TCEA3: variants seen among roughly 807,000 people sequenced by gnomAD.
TCEA3 encodes transcription elongation factor A3, also known as transcription elongation factor A protein 3.
Under a neutral mutation model 44.0 loss-of-function variants are expected in TCEA3, and 36 were observed. That is an observed-to-expected ratio of 0.82 (90% CI 0.63 to 1.08). The LOEUF is 1.08. Among genes scored for constraint, TCEA3 ranks in the 50% least tolerant of loss-of-function variants. The pLI, the probability that TCEA3 is intolerant of heterozygous loss-of-function variation, is 0.00. For missense variants in TCEA3, 392 were observed against 441.2 expected (o/e 0.89, Z 1.00); for synonymous variants, 162 against 159.7 (o/e 1.01, Z -0.11).
rs539092868 is a variant in TCEA3, at chr1:23,397,477, G to A, written c.664+68C>T. The A allele has an allele frequency of 3.6e-5, 53 of 1,468,004 alleles. No homozygotes were observed. In the Middle Eastern group the frequency reaches 6.2e-4, roughly 17 times the overall value. The allele number at this position is 1,468,004 out of a possible 1,614,324, so 90.9% of individuals were successfully genotyped here. A position where few individuals can be genotyped will look rare whatever the true frequency, so the allele number is the denominator to read the frequency against. ...CTCTCCTTCCTCACTCTCCCAGCTC[G>A]CTTGCACCTTGGATGGGTGCTGCTA... On this transcript the variant is annotated intron_variant, in intron 7 of 10. Coordinates refer to ENST00000450454, the MANE Select transcript of TCEA3 (RefSeq NM_003196.3).
At chr1:23,387,685 G>A (rs1218887715) in intron 8 of TCEA3, among the ~76,000 whole-genome samples, 1 of 152,216 alleles carries the variant, frequency 6.6e-6, no homozygotes, top group Non-Finnish European at 1.5e-5. Flanking sequence ...GAGCACTCCT[G>A]TGTACATTTC....
intron 9 of TCEA3, among the ~76,000 whole-genome samples, chr1:23,386,282 T>C (rs1638832504): frequency 6.6e-6 from 1 of 152,034 alleles, no homozygotes; most frequent in Non-Finnish European, 1.5e-5. Context: ...CATAGCTCAT[T>C]GCAGCCTCAA....
intron 5 of TCEA3, among the ~76,000 whole-genome samples, chr1:23,399,558 C>A (rs997230787): frequency 2.6e-5 from 4 of 151,948 alleles, no homozygotes; most frequent in Admixed American, 1.3e-4. Flanking sequence ...ATGTTAATAG[C>A]AATTATCTCT....
At chr1:23,403,534 G>C (rs1463612713) in intron 5 of TCEA3, 1 of 153,774 alleles carries the variant, frequency 6.5e-6, no homozygotes, top group African/African-American at 2.4e-5. Context: ...GAACAGTGCT[G>C]GGTATTTCAT....
In TCEA3 at chr1:23,400,373, C is replaced by CTTTTTTTTTTT. The variant is rs67325313; in HGVS notation, c.444-2429_444-2419dup. Among the ~76,000 whole-genome samples the CTTTTTTTTTTT allele has an allele frequency of 1.0e-3, 136 of 133,438 alleles. 5 individuals carry two copies. The highest frequency in any genetic ancestry group is 3.8e-3 in the African/African-American group (123 of 32,534). 87.5% of individuals were successfully genotyped at this position (133,438 alleles called of 152,430 possible). A position where few individuals can be genotyped will look rare whatever the true frequency, so the allele number is the denominator to read the frequency against. ...TACAGGCAGATGCCGCCACACCAGG[C>CTTTTTTTTTTT]TTTTTTTTTTTTTTTGTAGAAATGG... On this transcript the variant is annotated intron_variant, in intron 5 of 10. Coordinates refer to ENST00000450454, the MANE Select transcript of TCEA3 (RefSeq NM_003196.3).
rs375352974 is a variant in TCEA3, at chr1:23,417,990, G to C, written c.152C>G (p.Ala51Gly). The change falls in exon 3 of 11, where the codon GCT becomes GGT. Residue 51 changes from alanine to glycine, a missense_variant. Physicochemically the swap from Ala to Gly is moderately conservative, Grantham distance 60. Transcript: ENST00000450454. ...QLLQTTRIGVAVNGVRKHCSD... is the reference protein window; with the variant it reads ...QLLQTTRIGVGVNGVRKHCSD... The stretch of plus-strand genomic sequence containing the variant: ...GCAGTGCTTGCGGACCCCATTAACA[G>C]CAACTCCAATCCTGGTTGTCTGCAA... The C allele has an allele frequency of 8.7e-6, 14 of 1,613,932 alleles. No individual in the cohort carries two copies. In the African/African-American group the frequency reaches 1.9e-4, roughly 22 times the overall value.
chr1:23,398,711 A>G (rs2148560184), intron 5 of TCEA3, among the ~76,000 whole-genome samples: 1 of 152,300 alleles, frequency 6.6e-6, no homozygotes, highest in Non-Finnish European at 1.5e-5. Context: ...ATACACCACC[A>G]GGATTTGAAT....
At chr1:23,396,135 G>A (rs1639209294) in intron 7 of TCEA3, among the ~76,000 whole-genome samples, 1 of 152,118 alleles carries the variant, frequency 6.6e-6, no homozygotes, top group Non-Finnish European at 1.5e-5. Context: ...AAAATAAGTT[G>A]GAGGGAATCA....
intron 4 of TCEA3, chr1:23,412,168 T>C (rs149358382): frequency 8.5e-5 from 13 of 152,368 alleles, no homozygotes; most frequent in African/African-American, 2.4e-4. Flanking sequence ...GTGATTCTTC[T>C]TCGGCCATTG....
chr1:23,421,945 A>G (rs1640077146), intron 1 of TCEA3, among the ~76,000 whole-genome samples: 1 of 152,222 alleles, frequency 6.6e-6, no homozygotes. Flanking sequence ...GAGAATAGCC[A>G]TGAGCCTGGA....
chr1:23,409,348 T>C (rs1283113867), intron 4 of TCEA3, among the ~76,000 whole-genome samples: 1 of 152,188 alleles, frequency 6.6e-6, no homozygotes, highest in Non-Finnish European at 1.5e-5. Context: ...GCTAGGGTGA[T>C]GGGATTAAAG....
intron 9 of TCEA3, among the ~76,000 whole-genome samples, chr1:23,386,132 G>A (rs12126283): frequency 0.06 from 9,120 of 152,286 alleles, 428 homozygotes; most frequent in South Asian, 0.21. Context: ...GAGGAACATT[G>A]TCTAGAAGCC....
chr1:23,406,239 C>T (rs1035893461), intron 5 of TCEA3, among the ~76,000 whole-genome samples: 1 of 152,200 alleles, frequency 6.6e-6, no homozygotes, highest in African/African-American at 2.4e-5. Context: ...GCAATACAGC[C>T]TAGGCCCGTT....
intron 10 of TCEA3, among the ~76,000 whole-genome samples, chr1:23,383,079 A>C (rs1229200003): frequency 6.6e-6 from 1 of 152,134 alleles, no homozygotes; most frequent in East Asian, 1.9e-4. Context: ...GGAGATCAAG[A>C]CCATCCTGGC....
intron 5 of TCEA3, chr1:23,404,128 G>C: frequency 1.4e-6 from 1 of 702,334 alleles, no homozygotes; most frequent in Non-Finnish European, 2.6e-6. Flanking sequence ...GCCACCTCGA[G>C]GGCATTTCAG....
At chr1:23,400,727 GT>G (rs1267981668) in intron 5 of TCEA3, among the ~76,000 whole-genome samples, 2 of 152,148 alleles carry the variant, frequency 1.3e-5, no homozygotes, top group African/African-American at 2.4e-5. Context: ...CCCTCCTGGA[GT>G]GAAATTAAGA....
At chr1:23,388,516 G>A (rs972033015) in intron 8 of TCEA3, among the ~76,000 whole-genome samples, 13 of 152,082 alleles carry the variant, frequency 8.5e-5, no homozygotes, top group Admixed American at 7.2e-4. Context: ...AATTGTTGCT[G>A]TCTGTCCTGA....
chr1:23,408,483 G>A, intron 5 of TCEA3, 181 bp downstream of exon 5: 1 of 575,186 alleles, frequency 1.7e-6, no homozygotes, highest in Non-Finnish European at 3.1e-6. Context: ...GGCACATCCA[G>A]AGGGTCCCCC....
intron 2 of TCEA3, chr1:23,418,277 T>C: frequency 2.3e-6 from 1 of 439,554 alleles, no homozygotes; most frequent in Non-Finnish European, 4.2e-6. Context: ...GGGTGGCACT[T>C]GGCTGACTGT....
Sources: gnomAD v4.1 joint callset for allele counts (sites outside exome capture counted in the v4.1 genomes callset) on GRCh38, gnomAD v4.1.1 for gene constraint, MANE v1.5 for transcripts, NCBI Gene and HGNC (gene_info 2026-07-23, HGNC 2026-07-21) for gene names.